The following SPTBN4 variants were observed in gnomAD, a reference collection of about 807,000 sequenced individuals.
SPTBN4 encodes the protein spectrin beta chain, non-erythrocytic 4.
In SPTBN4, 96 loss-of-function variants were observed where a neutral mutation model predicts 277.8. The observed-to-expected ratio is 0.35, with a 90% CI of 0.29 to 0.41. The LOEUF (loss-of-function observed/expected upper bound fraction) is 0.41. Among genes scored for constraint, SPTBN4 ranks in the 10% least tolerant of loss-of-function variants. The probability of loss-of-function intolerance (pLI) is 1.00; values close to 1 mark genes in which losing one functional copy is unlikely to be tolerated. For synonymous variants in SPTBN4, 1,481 were observed against 1,580.3 expected, an observed-to-expected ratio of 0.94 and a Z score of 1.49; for missense variants, 3,006 against 3,595.7, an observed-to-expected ratio of 0.84 and a Z score of 4.19.
intron 24 of SPTBN4, among the ~76,000 whole-genome samples, chr19:40,555,686 G>C (rs990013967): frequency 6.6e-6 from 1 of 151,892 alleles, no homozygotes; most frequent in Non-Finnish European, 1.5e-5. Flanking sequence ...ACACTGGGAG[G>C]CTGAGGCAGG....
intron 17 of SPTBN4, among the ~76,000 whole-genome samples, chr19:40,526,540 T>G (rs565218534): frequency 6.6e-6 from 1 of 152,150 alleles, no homozygotes; most frequent in African/African-American, 2.4e-5. Context: ...CCCAGAGTCA[T>G]GGCCAGGAAG....
chr19:40,475,531 G>A (rs1426252542), intron 2 of SPTBN4, among the ~76,000 whole-genome samples: 1 of 151,994 alleles, frequency 6.6e-6, no homozygotes, highest in Non-Finnish European at 1.5e-5. Flanking sequence ...CGCAATGTCA[G>A]CTCACTGCAA....
At chr19:40,509,216 C>G (rs556120236) in intron 13 of SPTBN4, among the ~76,000 whole-genome samples, 118 of 151,458 alleles carry the variant, frequency 7.8e-4, no homozygotes, top group African/African-American at 2.8e-3. Context: ...GCCATTGTCC[C>G]TGGCCATTTC....
chr19:40,549,172 T>C lies in SPTBN4; in HGVS notation c.4360-17T>C. 1 of 1,532,290 alleles carries C rather than the reference T, an allele frequency of 6.5e-7. No individual in the cohort carries two copies. Among genetic ancestry groups the C allele is most frequent in the Non-Finnish European group, 8.8e-7 (1 of 1,138,520 alleles). The allele number at this position is 1,532,290 out of a possible 1,614,324, so 94.9% of individuals were successfully genotyped here. A position where few individuals can be genotyped will look rare whatever the true frequency, so the allele number is the denominator to read the frequency against. On this transcript the variant is annotated splice_polypyrimidine_tract_variant and intron_variant, in intron 20 of 35. Transcript: ENST00000598249. ...GAGGGCGGGTGGGGCCCATTGACCC[T>C]GCCTCTGTCCCCACAGTCCATGGAG...
At chr19:40,528,436 C>G (rs925224800) in intron 17 of SPTBN4, among the ~76,000 whole-genome samples, 1 of 152,232 alleles carries the variant, frequency 6.6e-6, no homozygotes, top group Admixed American at 6.5e-5. Flanking sequence ...ACACTCTGCT[C>G]TCTTCCCTCT....
intron 13 of SPTBN4, among the ~76,000 whole-genome samples, chr19:40,507,311 G>C (rs1273505126): frequency 6.6e-6 from 1 of 151,428 alleles, no homozygotes; most frequent in African/African-American, 2.4e-5. Flanking sequence ...CTGAGACCCT[G>C]TCAGCAAAAA....
chr19:40,519,525 G>A lies in SPTBN4; in HGVS notation c.3028G>A (p.Val1010Met), dbSNP rs1040699530. Residue 1010 changes from valine (V) to methionine (M), a missense_variant, in exon 16 of 36, where the codon GTG becomes ATG. Coordinates refer to ENST00000598249, the MANE Select transcript of SPTBN4 (RefSeq NM_020971.3). This position sits in a 1 kb window ranked among gnomAD's most constrained non-coding sequence, Gnocchi z 5.7. ...RAQVREKRRA[V>M]ESAPRAGGAL... ...CCAGGTGCGTGAGAAGCGGAGAGCT[G>A]TGGAGAGCGCGCCCCGGGCCGGCGG... The A allele has an allele frequency of 6.3e-7, 1 of 1,598,592 alleles. No homozygotes were observed.
At position 40,519,950 on chromosome 19, in the gene SPTBN4, G is replaced by T. The variant is rs779284752; in HGVS notation, c.3453G>T (p.Ala1151=). The change falls in exon 16 of 36, where the codon GCG becomes GCT. Residue 1151 remains alanine, a synonymous_variant. Transcript: ENST00000598249. The surrounding 1 kb of genome is among the most constrained non-coding windows in gnomAD (Gnocchi z 5.7). The part of the protein sequence containing the change: ...QREEDYARIV[A]ASEALLAADG... Reference sequence around the variant, plus strand: ...AGGAAGACTATGCTCGCATCGTGGCGGCCAGCGAGGCGCTGCTGGCCGCCG... The same window carrying T: ...AGGAAGACTATGCTCGCATCGTGGCTGCCAGCGAGGCGCTGCTGGCCGCCG... 1.9e-6 allele frequency: 3 copies of T among 1,541,666 alleles called. No individual in the cohort carries two copies. The highest frequency in any genetic ancestry group is 1.2e-5 in the South Asian group (1 of 82,420).
intron 5 of SPTBN4, among the ~76,000 whole-genome samples, chr19:40,493,322 C>T (rs2080159179): frequency 6.6e-6 from 1 of 152,136 alleles, no homozygotes. Context: ...CTGAATAGCT[C>T]ACTGAAGCCT....
intron 18 of SPTBN4, among the ~76,000 whole-genome samples, chr19:40,531,976 C>T (rs940151143): frequency 1.3e-5 from 2 of 151,706 alleles, no homozygotes; most frequent in African/African-American, 4.8e-5. Context: ...ACTGGGGAGC[C>T]CTGTGGGCTC....
At chr19:40,509,289 A>G (rs2080364925) in intron 13 of SPTBN4, among the ~76,000 whole-genome samples, 1 of 152,002 alleles carries the variant, frequency 6.6e-6, no homozygotes, top group South Asian at 2.1e-4. Context: ...CTTGTTGTCC[A>G]GGCCAGATTG....
At position 40,560,291 on chromosome 19, in the gene SPTBN4, C is replaced by G; in HGVS notation, c.5803C>G (p.Arg1935Gly). The G allele has an allele frequency of 6.2e-7, 1 of 1,614,052 alleles. No homozygotes were observed. Among genetic ancestry groups the G allele is most frequent in the Non-Finnish European group, 8.5e-7 (1 of 1,179,996 alleles). Residue 1935 changes from arginine (R) to glycine (G), a missense_variant, in exon 27 of 36, where the codon CGC becomes GGC. This residue lies in a region of SPTBN4 where 425 missense variants were observed against 594.7 expected (regional missense o/e 0.71). Coordinates refer to ENST00000598249, the MANE Select transcript of SPTBN4 (RefSeq NM_020971.3). This position sits in a 1 kb window ranked among gnomAD's most constrained non-coding sequence, Gnocchi z 5.2. ...KELLSACEDA[R>G]LHVSSTADAL... Reference sequence around the variant, plus strand: ...GCTGCTGTCAGCCTGTGAGGATGCCCGCCTGCATGTCAGCTCCACAGCCGA... The same window carrying G: ...GCTGCTGTCAGCCTGTGAGGATGCCGGCCTGCATGTCAGCTCCACAGCCGA...
intron 27 of SPTBN4, among the ~76,000 whole-genome samples, chr19:40,564,981 C>T (rs2081076831): frequency 6.6e-6 from 1 of 152,046 alleles, no homozygotes; most frequent in Admixed American, 6.6e-5. Flanking sequence ...GTAGGTGTCT[C>T]AGTCTGGTTT....
At chr19:40,494,183 C>G (rs2080169075) in intron 5 of SPTBN4, among the ~76,000 whole-genome samples, 1 of 152,174 alleles carries the variant, frequency 6.6e-6, no homozygotes, top group Admixed American at 6.5e-5. Flanking sequence ...GTGGGCTTCT[C>G]TGACTCTCAT....
chr19:40,567,227 G>C (rs2081102148), intron 30 of SPTBN4: 2 of 426,282 alleles, frequency 4.7e-6, no homozygotes, highest in Non-Finnish European at 9.6e-6. Context: ...GAGCACTGGA[G>C]GTCAAGGCTG....
chr19:40,529,234 G>A (rs534690281), intron 18 of SPTBN4, 103 bp downstream of exon 18: 3 of 1,117,606 alleles, frequency 2.7e-6, no homozygotes, highest in Non-Finnish European at 2.6e-6. Context: ...TAAGTGGGTC[G>A]CGGAGCGATG....
Position 40,503,995 on chromosome 19 carries a change from C to G in SPTBN4, c.1528C>G (p.Arg510Gly), listed in dbSNP as rs755189410. 2 of 1,613,986 alleles carry G rather than the reference C, an allele frequency of 1.2e-6. No individual in the cohort carries two copies. Among genetic ancestry groups the G allele is most frequent in the Middle Eastern group, 1.6e-4 (1 of 6,062 alleles). ...CGATATCCGGCGGGTGGCAGCCCAG[C>G]GTGACAGCGTCCTGCGCCAGTGGGC... The part of the protein sequence containing the change: ...YYDIRRVAAQ[R>G]DSVLRQWALL... Residue 510 changes from arginine to glycine, a missense_variant, in exon 12 of 36, where the codon CGT becomes GGT. By Grantham distance (125) the Arg-to-Gly change is moderately radical. Coordinates refer to ENST00000598249, the MANE Select transcript of SPTBN4 (RefSeq NM_020971.3).
At chr19:40,478,570 G>C (rs2079974354) in intron 2 of SPTBN4, among the ~76,000 whole-genome samples, 1 of 151,726 alleles carries the variant, frequency 6.6e-6, no homozygotes, top group Admixed American at 6.6e-5. Context: ...TTTTGAGACA[G>C]AGTCTCGCTC....
At chr19:40,517,891 G>T (rs983366762) in intron 15 of SPTBN4, among the ~76,000 whole-genome samples, 1 of 152,074 alleles carries the variant, frequency 6.6e-6, no homozygotes, top group African/African-American at 2.4e-5. Flanking sequence ...CTTGAACTCG[G>T]GTCTGCCTGA....
Sources: allele counts gnomAD v4.1 joint callset (sites outside exome capture counted in the v4.1 genomes callset), GRCh38; gene constraint gnomAD v4.1.1; regional missense constraint gnomAD v4.1.1; non-coding constraint Gnocchi (gnomAD v3.1); transcripts MANE v1.5; gene names NCBI Gene and HGNC (gene_info 2026-07-23, HGNC 2026-07-21).